The following ZPR1 variants were observed in gnomAD, a reference collection of about 807,000 sequenced individuals.
ZPR1 encodes the protein ZPR1 zinc finger, also known as zinc finger protein ZPR1.
In ZPR1, 37 loss-of-function variants were observed where a neutral mutation model predicts 59.6. That is an observed-to-expected ratio of 0.62 (90% CI 0.48 to 0.82). The LOEUF (loss-of-function observed/expected upper bound fraction) is 0.82, where lower values mean the gene tolerates loss of function less well. Among genes scored for constraint, ZPR1 ranks in the 40% least tolerant of loss-of-function variants. The pLI is 0.00. For synonymous variants in ZPR1, 191 were observed against 215.2 expected (o/e 0.89, Z 0.99); for missense variants, 527 against 579.9 (o/e 0.91, Z 0.94).
rs1940690315 is a variant in ZPR1, at chr11:116,774,159, T to C, written c.*4766A>G. The C allele has an allele frequency of 2.0e-5, 3 of 152,208 alleles. No homozygotes were observed. The South Asian group carries it at 6.2e-4, about 31-fold the overall frequency. The allele number at this position is 152,208 out of a possible 1,614,324, so 9.4% of individuals were successfully genotyped here. A position where few individuals can be genotyped will look rare whatever the true frequency, so the allele number is the denominator to read the frequency against. On this transcript the variant is annotated 3_prime_UTR_variant, in exon 14 of 14. Transcript: ENST00000227322. ...GTGATGACTGGATATAATTATACAT[T>C]GTGTAATGATTACCAAAATCAAATT...
chr11:116,784,987 A>C (rs1451843111), intron 7 of ZPR1, 66 bp from the exon 8 acceptor site: 1 of 1,607,228 alleles, frequency 6.2e-7, no homozygotes, highest in Non-Finnish European at 8.5e-7. Flanking sequence ...AAAGACACTC[A>C]GTTGGTATGC....
At chr11:116,784,819 A>G in intron 8 of ZPR1, 36 bp downstream of exon 8, 1 of 1,605,000 alleles carries the variant, frequency 6.2e-7, no homozygotes, top group Non-Finnish European at 8.5e-7. Context: ...TGCCTGAGTC[A>G]GATGAAGAGC....
intron 12 of ZPR1, among the ~76,000 whole-genome samples, chr11:116,780,667 A>C (rs1343804720): frequency 6.6e-6 from 1 of 152,182 alleles, no homozygotes; most frequent in Non-Finnish European, 1.5e-5. Flanking sequence ...GACTAGCCCA[A>C]GAGGAAAGAC....
chr11:116,787,707 C>A, intron 1 of ZPR1, 64 bp from the exon 2 acceptor site: 1 of 1,556,350 alleles, frequency 6.4e-7, no homozygotes, highest in South Asian at 1.2e-5. Context: ...GCCCTACTAT[C>A]TCCGGGCGCT....
rs774963547 is a variant in ZPR1, at chr11:116,779,837, T to G, written c.1180A>C (p.Ile394Leu). The G allele has an allele frequency of 1.9e-6, 3 of 1,577,410 alleles. No individual in the cohort carries two copies. The highest frequency in any genetic ancestry group is 1.7e-4 in the Middle Eastern group (1 of 5,950). The change falls in exon 13 of 14, where the codon ATC (isoleucine) becomes CTC (leucine). Residue 394 changes from isoleucine (I) to leucine (L), a missense_variant and splice_region_variant. Transcript: ENST00000227322. ...TGGGCCTTCATGTTACCTTCGATGA[T>G]CTAAAGGAGAGAGAGAACACAGCAA... ...LQEFSQKMDQ[I>L]IEGNMKAHFI...
chr11:116,775,893 A>T lies in ZPR1; in HGVS notation c.*3032T>A, dbSNP rs1467097062. The T allele has an allele frequency of 6.5e-6, 1 of 154,236 alleles. No homozygotes were observed. Among genetic ancestry groups the T allele is most frequent in the African/African-American group, 2.4e-5 (1 of 41,460 alleles). The allele number at this position is 154,236 out of a possible 1,614,324, so 9.6% of individuals were successfully genotyped here. A position where few individuals can be genotyped will look rare whatever the true frequency, so the allele number is the denominator to read the frequency against. On this transcript the variant is annotated 3_prime_UTR_variant, in exon 14 of 14. Coordinates refer to ENST00000227322, the MANE Select transcript of ZPR1 (RefSeq NM_003904.5). ...TGTGTAAAAAACATTTTTTAATAGG[A>T]ATAAAGCCAAGTAGTCTTAGCCACC...
intron 3 of ZPR1, 87 bp downstream of exon 3, chr11:116,786,882 T>C (rs1940895409): frequency 4.7e-6 from 5 of 1,071,738 alleles, no homozygotes; most frequent in Non-Finnish European, 7.2e-6. Context: ...CACAAACCAC[T>C]AGACCTGGCA....
chr11:116,784,935 T>C lies in ZPR1; in HGVS notation c.754-14A>G. 6.2e-7 allele frequency: 1 copy of C among 1,614,108 alleles called. No homozygotes were observed. Among genetic ancestry groups the C allele is most frequent in the Non-Finnish European group, 8.5e-7 (1 of 1,179,996 alleles). Reference sequence around the variant, plus strand: ...GAACTGGAGCACCTGGAACACAACATGAGGACAAAGGGTGAGCCCTCCCAG... The same window carrying C: ...GAACTGGAGCACCTGGAACACAACACGAGGACAAAGGGTGAGCCCTCCCAG... On this transcript the variant is annotated splice_polypyrimidine_tract_variant and intron_variant, in intron 7 of 13. Coordinates refer to ENST00000227322, the MANE Select transcript of ZPR1 (RefSeq NM_003904.5).
At position 116,784,450 on chromosome 11, in the gene ZPR1, T is replaced by C. The variant is rs1431355737; in HGVS notation, c.821-2A>G. The C allele has an allele frequency of 1.2e-6, 2 of 1,614,150 alleles. No homozygotes were observed. The highest frequency in any genetic ancestry group is 3.3e-5 in the Admixed American group (2 of 60,026). On this transcript the variant is annotated splice_acceptor_variant, in intron 8 of 13. Transcript: ENST00000227322. LOFTEE classifies it high-confidence loss of function. ...TAACCTCCTTAAAGTGAGGGATTTC[T>C]GGAAAACGGAGTTAAGGAAATCTAC...
intron 12 of ZPR1, among the ~76,000 whole-genome samples, chr11:116,780,991 T>A (rs1940796021): frequency 6.6e-6 from 1 of 152,030 alleles, no homozygotes; most frequent in Non-Finnish European, 1.5e-5. Flanking sequence ...AAATACTACA[T>A]CCTTAAGACA....
chr11:116,787,901 G>A lies in ZPR1; in HGVS notation c.90C>T (p.His30=). The A allele has an allele frequency of 2.0e-6, 3 of 1,533,812 alleles. No homozygotes were observed. The highest frequency in any genetic ancestry group is 2.6e-6 in the Non-Finnish European group (3 of 1,143,464). Residue 30 remains histidine, a synonymous_variant, in exon 1 of 14, where the codon CAC becomes CAT. Coordinates refer to ENST00000227322, the MANE Select transcript of ZPR1 (RefSeq NM_003904.5). ...PAPAPPPAPD[H]LFRPISAEDE... ...CCTCGGCGCTGATGGGCCGGAACAG[G>A]TGATCAGGGGCAGGCGGCGGGGCCG...
At chr11:116,782,081 G>T in intron 12 of ZPR1, 77 bp downstream of exon 12, 2 of 1,047,824 alleles carry the variant, frequency 1.9e-6, no homozygotes, top group Non-Finnish European at 2.9e-6. Flanking sequence ...TTCAAAAAGT[G>T]GCAAGACATG....
At position 116,783,616 on chromosome 11, in the gene ZPR1, T is replaced by C. The variant is rs1940842026; in HGVS notation, c.895A>G (p.Lys299Glu). The change falls in exon 10 of 14, where the codon AAA (lysine) becomes GAA (glutamate). Residue 299 changes from lysine (K) to glutamate (E), a missense_variant. Lys to Glu is a moderately conservative substitution (Grantham distance 56, BLOSUM62 1). Transcript: ENST00000227322. ...AAGGGTTCTACTGCTCCTCCAGATT[T>C]CACCTGCATCGATAACAGTCAGGAG... is the stretch of plus-strand genomic sequence containing the variant. ...ENCGHRTNEVKSGGAVEPLGT... is the reference protein window; with the variant it reads ...ENCGHRTNEVESGGAVEPLGT... 6.2e-7 allele frequency: 1 copy of C among 1,613,928 alleles called. No homozygotes were observed. Among genetic ancestry groups the C allele is most frequent in the Non-Finnish European group, 8.5e-7 (1 of 1,179,824 alleles).
chr11:116,787,087 A>T lies in ZPR1; in HGVS notation c.334-28T>A, dbSNP rs748718000. The T allele has an allele frequency of 5.7e-6, 9 of 1,582,894 alleles. 1 individual carries two copies. In the South Asian group the frequency reaches 9.9e-5, roughly 17 times the overall value. On this transcript the variant is annotated intron_variant, in intron 2 of 13. Transcript: ENST00000227322. Reference sequence around the variant, plus strand: ...GGGAAGAAAAGAATACGTTCAGTACAAAGAGACTGCAGAACAGCTTCTCCT... The same window carrying T: ...GGGAAGAAAAGAATACGTTCAGTACTAAGAGACTGCAGAACAGCTTCTCCT...
At position 116,775,627 on chromosome 11, in the gene ZPR1, C is replaced by CAAAAAAAAAAAAAA. The variant is rs36148817; in HGVS notation, c.*3284_*3297dup. The CAAAAAAAAAAAAAA allele has an allele frequency of 8.2e-5, 6 of 72,946 alleles. No individual in the cohort carries two copies. The highest frequency in any genetic ancestry group is 1.7e-4 in the Non-Finnish European group (6 of 34,866). The allele number at this position is 72,946 out of a possible 1,614,324, so 4.5% of individuals were successfully genotyped here. On this transcript the variant is annotated 3_prime_UTR_variant, in exon 14 of 14. Coordinates refer to ENST00000227322, the MANE Select transcript of ZPR1 (RefSeq NM_003904.5). ...TGGGCAACAGAGTGAGACTCCGTCT[C>CAAAAAAAAAAAAAA]AAAAAAAAAAAAAAAAAAAAAAAAA... is the stretch of plus-strand genomic sequence containing the variant.
chr11:116,783,470 G>C, intron 10 of ZPR1, 60 bp downstream of exon 10: 1 of 1,425,544 alleles, frequency 7.0e-7, no homozygotes, highest in South Asian at 1.2e-5. Flanking sequence ...ACTTCCCCTA[G>C]ATAGAGACAG....
In ZPR1 at chr11:116,774,414, A is replaced by C. The variant is rs1040684464; in HGVS notation, c.*4511T>G. On this transcript the variant is annotated 3_prime_UTR_variant, in exon 14 of 14. Transcript: ENST00000227322. The stretch of plus-strand genomic sequence containing the variant: ...TGACAGAATTTGCAGGATGCTATAC[A>C]CAACTACACAAAAGTGCAAACAATA... 2.6e-5 allele frequency: 4 copies of C among 152,264 alleles called. No homozygotes were observed. The highest frequency in any genetic ancestry group is 4.4e-5 in the Non-Finnish European group (3 of 68,024). 9.4% of individuals were successfully genotyped at this position (152,264 alleles called of 1,614,324 possible).
rs1265079057 is a variant in ZPR1 at position 116,779,020 on chromosome 11, C to A, written c.1285G>T (p.Glu429Ter). The change falls in exon 14 of 14, where the codon GAG becomes TAG. Residue 429 changes from glutamate to a stop codon, truncating the protein, a stop_gained. Transcript: ENST00000227322. LOFTEE classifies it high-confidence loss of function. The part of the protein sequence containing the change: ...APEDDPEMKV[E>*]RYKRTFDQNE... ...TGGTCAAAGGTGCGCTTGTAACGCTCCACCTTCATCTCAGGATCATCTTCA... is the reference window on the plus strand; with the variant it reads ...TGGTCAAAGGTGCGCTTGTAACGCTACACCTTCATCTCAGGATCATCTTCA... 1.9e-6 allele frequency: 3 copies of A among 1,614,200 alleles called. No homozygotes were observed. Among genetic ancestry groups the A allele is most frequent in the Non-Finnish European group, 2.5e-6 (3 of 1,180,042 alleles).
chr11:116,774,736 G>T lies in ZPR1; in HGVS notation c.*4189C>A, dbSNP rs910040173. The T allele has an allele frequency of 6.6e-6, 1 of 152,208 alleles. No homozygotes were observed. Among genetic ancestry groups the T allele is most frequent in the African/African-American group, 2.4e-5 (1 of 41,410 alleles). The allele number at this position is 152,208 out of a possible 1,614,324, so 9.4% of individuals were successfully genotyped here. ...GGCTTCACTAGGCGGAGGGCCCCAG[G>T]GTACCCCATACACAAGCCTGCCTTG... On this transcript the variant is annotated 3_prime_UTR_variant, in exon 14 of 14. Coordinates refer to ENST00000227322, the MANE Select transcript of ZPR1 (RefSeq NM_003904.5).
Sources: allele counts gnomAD v4.1 joint callset (sites outside exome capture counted in the v4.1 genomes callset), GRCh38; gene constraint gnomAD v4.1.1; transcripts MANE v1.5; gene names NCBI Gene and HGNC (gene_info 2026-07-23, HGNC 2026-07-21).